Variants in KCNMA1 observed in about 807,000 individuals in gnomAD.
The protein encoded by KCNMA1 is Calcium-activated potassium channel subunit alpha-1.
A neutral mutation model predicts 140.0 loss-of-function variants in KCNMA1; 29 were observed. The observed-to-expected ratio is 0.21, with a 90% CI of 0.15 to 0.28. KCNMA1 has a LOEUF of 0.28. KCNMA1 is among the 10% of genes least tolerant of loss of function. The probability of loss-of-function intolerance (pLI) is 1.00; values close to 1 mark genes in which losing one functional copy is unlikely to be tolerated. For synonymous variants in KCNMA1, 612 were observed against 611.9 expected, an observed-to-expected ratio of 1.00 and a Z score of 0.00; for missense variants, 880 against 1,602.2, an observed-to-expected ratio of 0.55 and a Z score of 7.70.
chr10:77,293,807 C>T (rs2074101880), intron 2 of KCNMA1, among the ~76,000 whole-genome samples: 1 of 152,256 alleles, frequency 6.6e-6, no homozygotes, highest in African/African-American at 2.4e-5. Flanking sequence ...ATGCAGTCCC[C>T]ATCATGCATT....
chr10:77,403,777 C>T, intron 2 of KCNMA1, 85 bp downstream of exon 2: 2 of 1,380,658 alleles, frequency 1.4e-6, no homozygotes, highest in Non-Finnish European at 1.0e-6. Flanking sequence ...TGCAGAAGAC[C>T]CTGGGGAATA....
chr10:77,250,782 A>G (rs2059521799), intron 3 of KCNMA1: 1 of 228,830 alleles, frequency 4.4e-6, no homozygotes, highest in Non-Finnish European at 8.8e-6. Context: ...AGCATTGGAA[A>G]CCCAATTGAG....
intron 1 of KCNMA1, among the ~76,000 whole-genome samples, chr10:77,503,396 G>C (rs2044630881): frequency 6.6e-6 from 1 of 152,058 alleles, no homozygotes; most frequent in African/African-American, 2.4e-5. Context: ...ATGATTTGGA[G>C]AGACAGATCA....
chr10:77,447,915 C>T (rs1008749652), intron 1 of KCNMA1, among the ~76,000 whole-genome samples: 1 of 152,198 alleles, frequency 6.6e-6, no homozygotes, highest in Admixed American at 6.5e-5. Context: ...GTTAAAACAA[C>T]CGAGGGCTTA....
chr10:77,165,693 C>T (rs2098633406), intron 5 of KCNMA1, among the ~76,000 whole-genome samples: 1 of 152,206 alleles, frequency 6.6e-6, no homozygotes, highest in Non-Finnish European at 1.5e-5. Flanking sequence ...TCCATTTATA[C>T]TTAGCCCGAA....
At position 77,025,281 on chromosome 10, in the gene KCNMA1, T is replaced by C. The variant is rs545506676; in HGVS notation, c.1928+2542A>G. On this transcript the variant is annotated intron_variant, in intron 16 of 27. Transcript: ENST00000286628. ...ATATATATATATATATATATATATATACACACACACATATATAATATAGAT... is the reference window on the plus strand; with the variant it reads ...ATATATATATATATATATATATATACACACACACACATATATAATATAGAT... Among the ~76,000 whole-genome samples the C allele has an allele frequency of 0.011, 1,389 of 122,184 alleles. 55 individuals are homozygous for C. The highest frequency in any genetic ancestry group is 0.031 in the African/African-American group (1,072 of 34,050). 80.2% of individuals were successfully genotyped at this position (122,184 alleles called of 152,430 possible). A position where few individuals can be genotyped will look rare whatever the true frequency, so the allele number is the denominator to read the frequency against.
At chr10:77,513,076 A>T (rs1402767764) in intron 1 of KCNMA1, among the ~76,000 whole-genome samples, 1 of 152,146 alleles carries the variant, frequency 6.6e-6, no homozygotes, top group Non-Finnish European at 1.5e-5. Context: ...CACCATGGCC[A>T]ACAAAGCCCT....
chr10:77,146,529 C>T (rs752262430), intron 5 of KCNMA1, among the ~76,000 whole-genome samples: 14 of 151,748 alleles, frequency 9.2e-5, no homozygotes, highest in Admixed American at 5.9e-4. Context: ...GGCAAAACTT[C>T]GTCTCTTCTA....
rs745923666 is a variant in KCNMA1, at chr10:77,403,822, C to G, written c.540+40G>C. The G allele has an allele frequency of 4.4e-6, 7 of 1,590,024 alleles. No homozygotes were observed. The East Asian group carries it at 1.1e-4, about 26-fold the overall frequency. ...ATAAGCAAAGCCACCTTGGCCCAGA[C>G]AGCAAGGCCTCCTGGTGTGAGAAGT... On this transcript the variant is annotated intron_variant, in intron 2 of 27. Transcript: ENST00000286628.
chr10:76,927,530 TAAAG>T (rs768122982), intron 23 of KCNMA1, among the ~76,000 whole-genome samples: 2 of 152,192 alleles, frequency 1.3e-5, no homozygotes, highest in Non-Finnish European at 2.9e-5. Context: ...AAAGAGTAAT[TAAAG>T]AAAGACAATG....
intron 23 of KCNMA1, among the ~76,000 whole-genome samples, chr10:76,918,297 A>G (rs919603654): frequency 3.3e-5 from 5 of 152,222 alleles, no homozygotes; most frequent in Non-Finnish European, 1.5e-5. Flanking sequence ...ATGACTAAGA[A>G]TATCACCATT....
intron 3 of KCNMA1, among the ~76,000 whole-genome samples, chr10:77,209,254 A>G (rs1383178560): frequency 6.6e-6 from 1 of 152,052 alleles, no homozygotes; most frequent in Non-Finnish European, 1.5e-5. Context: ...ACCCTCTACA[A>G]TGTCTTCATA....
intron 2 of KCNMA1, among the ~76,000 whole-genome samples, chr10:77,381,025 T>C (rs756482291): frequency 4.6e-5 from 7 of 152,202 alleles, no homozygotes; most frequent in Non-Finnish European, 8.8e-5. Context: ...GGAAATGGCT[T>C]TTCTATTTCT....
Position 76,949,256 on chromosome 10 carries a change from A to G in KCNMA1, c.2595T>C (p.Arg865=), listed in dbSNP as rs770461329. 2.4e-5 allele frequency: 38 copies of G among 1,614,060 alleles called. No homozygotes were observed. Among genetic ancestry groups the G allele is most frequent in the Middle Eastern group, 1.6e-4 (1 of 6,084 alleles). The change falls in exon 22 of 28, where the codon CGT becomes CGC. Residue 865 remains arginine, a synonymous_variant. Coordinates refer to ENST00000286628, the MANE Select transcript of KCNMA1 (RefSeq NM_001161352.2). ...IGLRNLVMPL[R]ASNFHYHELK... is the part of the protein sequence containing the mutation. Reference sequence around the variant, plus strand: ...GCTCATGGTAATGAAAGTTGCTGGCACGGAGCGGCATCACCAGGTTCCGGA... The same window carrying G: ...GCTCATGGTAATGAAAGTTGCTGGCGCGGAGCGGCATCACCAGGTTCCGGA...
intron 3 of KCNMA1, among the ~76,000 whole-genome samples, chr10:77,215,226 T>C (rs2047325237): frequency 6.6e-6 from 1 of 152,068 alleles, no homozygotes; most frequent in Non-Finnish European, 1.5e-5. Context: ...TCACTCCACA[T>C]CCAATTCATC....
intron 1 of KCNMA1, among the ~76,000 whole-genome samples, chr10:77,445,321 A>G (rs893458569): frequency 1.8e-4 from 27 of 151,698 alleles, no homozygotes; most frequent in Non-Finnish European, 3.8e-4. Context: ...CCACCTCTGC[A>G]TCGTCCATAT....
chr10:77,496,388 A>T (rs536329542), intron 1 of KCNMA1, among the ~76,000 whole-genome samples: 23 of 152,098 alleles, frequency 1.5e-4, no homozygotes, highest in Non-Finnish European at 2.9e-4. Context: ...CAAGGTCAGG[A>T]GATCGAGACC....
At chr10:76,970,447 T>C (rs2075758910) in intron 19 of KCNMA1, 1 of 222,892 alleles carries the variant, frequency 4.5e-6, no homozygotes, top group Non-Finnish European at 9.1e-6. Flanking sequence ...TGCGTTTTGT[T>C]GTAACCAAAA....
intron 1 of KCNMA1, among the ~76,000 whole-genome samples, chr10:77,560,159 G>T (rs1367956074): frequency 2.0e-5 from 3 of 152,096 alleles, no homozygotes; most frequent in Non-Finnish European, 4.4e-5. Flanking sequence ...CTCCAGCCTG[G>T]GTGACAGTGC....
Sources: gnomAD v4.1 joint callset for allele counts (sites outside exome capture counted in the v4.1 genomes callset) on GRCh38, gnomAD v4.1.1 for gene constraint, MANE v1.5 for transcripts, NCBI Gene and HGNC (gene_info 2026-07-23, HGNC 2026-07-21) for gene names.